Variants in NRG3 observed in about 807,000 individuals in gnomAD.
NRG3 encodes neuregulin 3, also known as pro-neuregulin-3, membrane-bound isoform.
A neutral mutation model predicts 66.9 loss-of-function variants in NRG3; 31 were observed. The ratio of observed to expected loss-of-function variants is 0.46; its 90% confidence interval spans 0.35 to 0.63. The LOEUF (loss-of-function observed/expected upper bound fraction) is 0.63, where lower values mean the gene tolerates loss of function less well. NRG3 is among the 20% of genes least tolerant of loss of function. NRG3 has a pLI of 0.00. For synonymous variants in NRG3, 393 were observed against 359.4 expected (o/e 1.09, Z -1.06); for missense variants, 910 against 878.9 (o/e 1.04, Z -0.45).
chr10:82,571,814 T>A (rs990856587), intron 2 of NRG3, among the ~76,000 whole-genome samples: 2 of 151,670 alleles, frequency 1.3e-5, no homozygotes, highest in East Asian at 3.9e-4. Context: ...TAACTAGTGA[T>A]TACTTTGTAT....
At chr10:82,049,024 T>C (rs1172616471) in intron 1 of NRG3, among the ~76,000 whole-genome samples, 2 of 152,094 alleles carry the variant, frequency 1.3e-5, no homozygotes, top group East Asian at 3.9e-4. Flanking sequence ...CCTCGACACA[T>C]ACACCCTCCC....
At chr10:82,052,023 C>T (rs972424835) in intron 1 of NRG3, among the ~76,000 whole-genome samples, 46 of 135,114 alleles carry the variant, frequency 3.4e-4, no homozygotes, top group Admixed American at 7.6e-4. Flanking sequence ...AGCCACATAC[C>T]GCATTAGATT....
At chr10:82,671,520 A>G (rs980436428) in intron 2 of NRG3, among the ~76,000 whole-genome samples, 1 of 152,158 alleles carries the variant, frequency 6.6e-6, no homozygotes, top group Non-Finnish European at 1.5e-5. Flanking sequence ...AGTGACTGTC[A>G]TTCTTTGGAA....
At chr10:82,125,200 A>G (rs1209629752) in intron 1 of NRG3, among the ~76,000 whole-genome samples, 1 of 151,964 alleles carries the variant, frequency 6.6e-6, no homozygotes, top group Non-Finnish European at 1.5e-5. Context: ...TCATGAATTT[A>G]ATTTAAGCAA....
At chr10:82,902,845 G>A (rs1277591488) in intron 4 of NRG3, among the ~76,000 whole-genome samples, 2 of 151,366 alleles carry the variant, frequency 1.3e-5, no homozygotes, top group African/African-American at 4.9e-5. Flanking sequence ...TGAGTTTTTG[G>A]GTTTGAACTG....
chr10:82,274,518 G>A (rs772162028), intron 1 of NRG3, among the ~76,000 whole-genome samples: 6 of 151,786 alleles, frequency 4.0e-5, no homozygotes, highest in Non-Finnish European at 7.4e-5. Flanking sequence ...ATTGTGTTTG[G>A]TTATTTTATG....
At chr10:82,248,625 A>G (rs1030954453) in intron 1 of NRG3, among the ~76,000 whole-genome samples, 2 of 152,178 alleles carry the variant, frequency 1.3e-5, no homozygotes, top group African/African-American at 4.8e-5. Flanking sequence ...ACGTGCAAAA[A>G]TGCTTAAAAT....
chr10:82,486,904 A>G (rs1294516774), intron 2 of NRG3, among the ~76,000 whole-genome samples: 2 of 152,056 alleles, frequency 1.3e-5, no homozygotes, highest in Non-Finnish European at 2.9e-5. Context: ...GTGGAATGGT[A>G]CTTGCTAGGG....
intron 2 of NRG3, among the ~76,000 whole-genome samples, chr10:82,574,055 A>G (rs757733038): frequency 3.3e-5 from 5 of 151,832 alleles, no homozygotes; most frequent in Admixed American, 6.6e-5. Context: ...ATGAAATGAA[A>G]TCAAAATACC....
rs1292256705 is a variant in NRG3, at chr10:82,673,429, T to C, written c.954-65148T>C. 3.3e-5 allele frequency among the ~76,000 whole-genome samples: 5 copies of C among 152,254 alleles called. No individual in the cohort carries two copies. The East Asian group carries it at 5.8e-4, about 18-fold the overall frequency. ...ACTCTTATTTATATCAATTAGCCTA[T>C]AGTAAAATTGTTTTCATTATACTGT... is the stretch of plus-strand genomic sequence containing the variant. On this transcript the variant is annotated intron_variant, in intron 2 of 8. Coordinates refer to ENST00000372141, the MANE Select transcript of NRG3 (RefSeq NM_001010848.4).
At chr10:82,529,012 G>A (rs547583854) in intron 2 of NRG3, among the ~76,000 whole-genome samples, 7 of 152,212 alleles carry the variant, frequency 4.6e-5, no homozygotes, top group Non-Finnish European at 1.0e-4. Context: ...AAATAATCTG[G>A]AATGCTTTTG....
intron 2 of NRG3, among the ~76,000 whole-genome samples, chr10:82,531,759 A>T (rs1477313844): frequency 4.0e-5 from 6 of 151,822 alleles, no homozygotes; most frequent in Non-Finnish European, 8.9e-5. Context: ...CCTTCACCTA[A>T]TCTTAGTCAA....
intron 2 of NRG3, among the ~76,000 whole-genome samples, chr10:82,598,416 C>A (rs1206396754): frequency 6.6e-6 from 1 of 152,188 alleles, no homozygotes; most frequent in Non-Finnish European, 1.5e-5. Context: ...GGGCAATATG[C>A]ACACGAAGGT....
At chr10:82,479,822 G>T (rs1179244872) in intron 2 of NRG3, among the ~76,000 whole-genome samples, 1 of 151,894 alleles carries the variant, frequency 6.6e-6, no homozygotes, top group Non-Finnish European at 1.5e-5. Context: ...AAAAAAATTA[G>T]CGGGGCGTGG....
chr10:82,787,452 C>G (rs778946562), intron 3 of NRG3, among the ~76,000 whole-genome samples: 1 of 152,052 alleles, frequency 6.6e-6, no homozygotes, highest in Non-Finnish European at 1.5e-5. Context: ...CAAGGAGGAG[C>G]CTTTGTAGTA....
chr10:81,969,181 C>G (rs1465524052), intron 1 of NRG3, among the ~76,000 whole-genome samples: 1 of 152,158 alleles, frequency 6.6e-6, no homozygotes, highest in Non-Finnish European at 1.5e-5. Flanking sequence ...GTTTTCCTGT[C>G]TCCCCTGCCA....
intron 2 of NRG3, among the ~76,000 whole-genome samples, chr10:82,712,412 A>G (rs1185523486): frequency 6.6e-6 from 1 of 152,188 alleles, no homozygotes; most frequent in Admixed American, 6.5e-5. Flanking sequence ...ACATTATGTA[A>G]TAGTTACATA....
intron 2 of NRG3, among the ~76,000 whole-genome samples, chr10:82,710,586 CAAAAAAA>C (rs59857324): frequency 5.4e-5 from 4 of 73,754 alleles, no homozygotes; most frequent in African/African-American, 1.6e-4. Flanking sequence ...GACTCCATCT[CAAAAAAA>C]AAAAAAAAAA....
At chr10:82,837,869 C>A (rs1174139810) in intron 3 of NRG3, among the ~76,000 whole-genome samples, 1 of 152,066 alleles carries the variant, frequency 6.6e-6, no homozygotes, top group Non-Finnish European at 1.5e-5. Context: ...AAACACAGCT[C>A]CTAGGGAGTC....
Sources: allele counts gnomAD v4.1 joint callset (sites outside exome capture counted in the v4.1 genomes callset), GRCh38; gene constraint gnomAD v4.1.1; transcripts MANE v1.5; gene names NCBI Gene and HGNC (gene_info 2026-07-23, HGNC 2026-07-21).